Variants in FBXL7 observed in about 807,000 individuals in gnomAD.
FBXL7 encodes the protein F-box/LRR-repeat protein 7.
FBXL7 carries 12 observed loss-of-function variants against 38.3 expected under a neutral mutation model. The ratio of observed to expected loss-of-function variants is 0.31; its 90% CI spans 0.20 to 0.51. The LOEUF (loss-of-function observed/expected upper bound fraction) is 0.51, where lower values mean the gene tolerates loss of function less well. Among genes scored for constraint, FBXL7 ranks in the 20% least tolerant of loss-of-function variants. FBXL7 has a pLI of 0.98. For synonymous variants in FBXL7, 297 were observed against 300.9 expected, an observed-to-expected ratio of 0.99 and a Z score of 0.13; for missense variants, 567 against 676.4, an observed-to-expected ratio of 0.84 and a Z score of 1.79.
chr5:15,806,382 A>C (rs1417503667), intron 2 of FBXL7, among the ~76,000 whole-genome samples: 1 of 151,534 alleles, frequency 6.6e-6, no homozygotes, highest in Non-Finnish European at 1.5e-5. Flanking sequence ...AACTTTGACA[A>C]GTGTAAAAAC....
At chr5:15,844,777 G>A (rs953213935) in intron 2 of FBXL7, among the ~76,000 whole-genome samples, 3 of 152,024 alleles carry the variant, frequency 2.0e-5, no homozygotes, top group Admixed American at 6.5e-5. Flanking sequence ...AGGCAGGTGT[G>A]CTTGACAGGG....
chr5:15,700,230 C>T (rs1743478436), intron 2 of FBXL7, among the ~76,000 whole-genome samples: 1 of 152,130 alleles, frequency 6.6e-6, no homozygotes, highest in Non-Finnish European at 1.5e-5. Flanking sequence ...TGAGTTCACC[C>T]TAGTCTCTAA....
At chr5:15,509,886 C>T (rs983242620) in intron 1 of FBXL7, among the ~76,000 whole-genome samples, 1 of 152,196 alleles carries the variant, frequency 6.6e-6, no homozygotes, top group South Asian at 2.1e-4. Flanking sequence ...TGGGCAGCTA[C>T]TTCTAAAACG....
At chr5:15,861,862 G>T (rs1390780299) in intron 2 of FBXL7, among the ~76,000 whole-genome samples, 1 of 152,100 alleles carries the variant, frequency 6.6e-6, no homozygotes. Flanking sequence ...AACTCCATTT[G>T]TCTAAGGACC....
In FBXL7 at chr5:15,500,452, A is replaced by T. The variant is rs1736457389; in HGVS notation, c.-225A>T. 7 of 577,748 alleles carry T rather than the reference A, an allele frequency of 1.2e-5. No individual in the cohort carries two copies. The highest frequency in any genetic ancestry group is 1.2e-4 in the African/African-American group (6 of 49,788). 35.8% of individuals were successfully genotyped at this position (577,748 alleles called of 1,614,324 possible). A position where few individuals can be genotyped will look rare whatever the true frequency, so the allele number is the denominator to read the frequency against. On this transcript the variant is annotated 5_prime_UTR_variant, in exon 1 of 4. Transcript: ENST00000504595. ...CCCCAGCGCGGATTGTAAGTGCTGC[A>T]GCTGTGCCCGGCCCCGCCTGGAGCC...
intron 2 of FBXL7, among the ~76,000 whole-genome samples, chr5:15,749,841 C>A (rs925987740): frequency 3.9e-5 from 6 of 152,132 alleles, no homozygotes; most frequent in Non-Finnish European, 8.8e-5. Flanking sequence ...GAGCCCTGGG[C>A]CTTGAAGAGC....
chr5:15,760,079 G>GT (rs1202889891), intron 2 of FBXL7, among the ~76,000 whole-genome samples: 1 of 151,280 alleles, frequency 6.6e-6, no homozygotes, highest in African/African-American at 2.4e-5. Context: ...TTTAATCCTT[G>GT]TTTTTTTGTT....
chr5:15,656,609 T>C (rs1456888687), intron 2 of FBXL7, among the ~76,000 whole-genome samples: 4 of 152,012 alleles, frequency 2.6e-5, no homozygotes, highest in Admixed American at 2.6e-4. Flanking sequence ...ATTATGGGAG[T>C]TACGGCAGCT....
At chr5:15,859,293 G>C (rs1178453020) in intron 2 of FBXL7, among the ~76,000 whole-genome samples, 1 of 152,126 alleles carries the variant, frequency 6.6e-6, no homozygotes, top group Admixed American at 6.5e-5. Context: ...GATTACCCCA[G>C]TTGAGATAAG....
intron 2 of FBXL7, among the ~76,000 whole-genome samples, chr5:15,642,033 T>G (rs1246187895): frequency 6.6e-6 from 1 of 151,626 alleles, no homozygotes; most frequent in Non-Finnish European, 1.5e-5. Flanking sequence ...TTAGTAAATG[T>G]GATGTGATCT....
chr5:15,834,516 A>T (rs866083161), intron 2 of FBXL7, among the ~76,000 whole-genome samples: 1 of 152,164 alleles, frequency 6.6e-6, no homozygotes, highest in African/African-American at 2.4e-5. Context: ...ATTCTTTGGC[A>T]TAGGTAGCTT....
At chr5:15,765,138 C>G (rs900739454) in intron 2 of FBXL7, among the ~76,000 whole-genome samples, 1 of 152,118 alleles carries the variant, frequency 6.6e-6, no homozygotes, top group Admixed American at 6.6e-5. Flanking sequence ...AAATGTTCAT[C>G]TGTAAAAACC....
chr5:15,516,986 C>A (rs1003172126), intron 1 of FBXL7, among the ~76,000 whole-genome samples: 1 of 152,102 alleles, frequency 6.6e-6, no homozygotes, highest in Non-Finnish European at 1.5e-5. Flanking sequence ...CGGACTAATA[C>A]ATAGATATTG....
intron 2 of FBXL7, among the ~76,000 whole-genome samples, chr5:15,721,206 T>A (rs1248505989): frequency 6.6e-6 from 1 of 152,212 alleles, no homozygotes; most frequent in Non-Finnish European, 1.5e-5. Flanking sequence ...TTCATTTTAT[T>A]TCTGGCTTAT....
chr5:15,593,789 T>C (rs1448129249), intron 1 of FBXL7, among the ~76,000 whole-genome samples: 4 of 152,302 alleles, frequency 2.6e-5, no homozygotes, highest in East Asian at 3.9e-4. Flanking sequence ...TCTGTGCTAA[T>C]TGGCAACTCA....
At chr5:15,527,267 A>G (rs995241975) in intron 1 of FBXL7, among the ~76,000 whole-genome samples, 1 of 152,238 alleles carries the variant, frequency 6.6e-6, no homozygotes, top group Non-Finnish European at 1.5e-5. Flanking sequence ...ACTGCCCTAC[A>G]TTTAATTATT....
intron 1 of FBXL7, among the ~76,000 whole-genome samples, chr5:15,591,407 C>T (rs1739470334): frequency 1.4e-5 from 2 of 140,858 alleles, no homozygotes; most frequent in South Asian, 4.7e-4. Context: ...CCAGCCTGGG[C>T]AACAGAGTGA....
intron 1 of FBXL7, among the ~76,000 whole-genome samples, chr5:15,605,944 A>G (rs1451714955): frequency 3.3e-5 from 5 of 152,192 alleles, no homozygotes; most frequent in Non-Finnish European, 5.9e-5. Flanking sequence ...TGCTAATGTG[A>G]AATATGTGCT....
intron 1 of FBXL7, among the ~76,000 whole-genome samples, chr5:15,548,216 A>G (rs1737971381): frequency 6.6e-6 from 1 of 152,210 alleles, no homozygotes; most frequent in Non-Finnish European, 1.5e-5. Flanking sequence ...TGGAGTTAAT[A>G]GACCATAGCT....
Sources: gnomAD v4.1 joint callset for allele counts (sites outside exome capture counted in the v4.1 genomes callset) on GRCh38, gnomAD v4.1.1 for gene constraint, MANE v1.5 for transcripts, NCBI Gene and HGNC (gene_info 2026-07-23, HGNC 2026-07-21) for gene names.